SAMD11: variants seen among roughly 807,000 people sequenced by gnomAD.
The protein encoded by SAMD11 is sterile alpha motif domain containing 11, also known as sterile alpha motif domain-containing protein 11.
In SAMD11, 77 loss-of-function variants were observed where a neutral mutation model predicts 64.4. That is an observed-to-expected ratio of 1.20 (90% CI 0.99 to 1.44). The LOEUF is 1.44. Ranked by LOEUF, SAMD11 falls within the 40% of genes most tolerant of loss-of-function variation. The pLI is 0.00. For synonymous variants in SAMD11, 658 were observed against 421.9 expected (o/e 1.56, Z -6.86); for missense variants, 1,402 against 943.3 (o/e 1.49, Z -6.37).
chr1:943,657 G>A (rs764817739), intron 12 of SAMD11, 41 bp from the exon 13 acceptor site: 1 of 1,487,540 alleles, frequency 6.7e-7, no homozygotes, highest in Non-Finnish European at 8.9e-7. Flanking sequence ...GGAGGATGGA[G>A]CAGCACCCGG....
At chr1:940,364 G>C (rs965989163) in intron 7 of SAMD11, 5 of 149,176 alleles carry the variant, frequency 3.4e-5, no homozygotes, top group African/African-American at 1.2e-4. Context: ...CCGCTAGCGC[G>C]GGGGCGCTGG....
At chr1:928,244 T>C (rs1344184983) in intron 2 of SAMD11, among the ~76,000 whole-genome samples, 1 of 151,882 alleles carries the variant, frequency 6.6e-6, no homozygotes, top group Non-Finnish European at 1.5e-5. Context: ...TACAAAAAAT[T>C]AGCCGGGCGT....
At position 942,548 on chromosome 1, in the gene SAMD11, C is replaced by T. The variant is rs772561669; in HGVS notation, c.1554-11C>T. Reference sequence around the variant, plus strand: ...CGGGAGGCGGCTGACCCGCGTCTGCCCCCGGCCCAGGCTGGAGCTGCCCGC... The same window carrying T: ...CGGGAGGCGGCTGACCCGCGTCTGCTCCCGGCCCAGGCTGGAGCTGCCCGC... On this transcript the variant is annotated splice_polypyrimidine_tract_variant and intron_variant, in intron 10 of 13. Transcript: ENST00000616016. 4.3e-6 allele frequency: 6 copies of T among 1,403,966 alleles called. No individual in the cohort carries two copies. The highest frequency in any genetic ancestry group is 3.0e-5 in the African/African-American group (2 of 66,222). 87.0% of individuals were successfully genotyped at this position (1,403,966 alleles called of 1,614,324 possible). A position where few individuals can be genotyped will look rare whatever the true frequency, so the allele number is the denominator to read the frequency against.
intron 2 of SAMD11, among the ~76,000 whole-genome samples, chr1:926,280 C>G (rs916647157): frequency 1.3e-5 from 2 of 152,234 alleles, no homozygotes; most frequent in Non-Finnish European, 2.9e-5. Flanking sequence ...CCTTGGGTGC[C>G]TTTTAGCTGC....
At position 943,693 on chromosome 1, in the gene SAMD11, T is replaced by G. The variant is rs775174726; in HGVS notation, c.2179-5T>G. 3 of 1,563,988 alleles carry G rather than the reference T, an allele frequency of 1.9e-6. No individual in the cohort carries two copies. Among genetic ancestry groups the G allele is most frequent in the South Asian group, 1.2e-5 (1 of 83,558 alleles). ...GTCCTGACCCTCCCTCCCTCCCCCTTCCAGGTCTTCAGGGAGCAGGGGATC... is the reference window on the plus strand; with the variant it reads ...GTCCTGACCCTCCCTCCCTCCCCCTGCCAGGTCTTCAGGGAGCAGGGGATC... On this transcript the variant is annotated splice_polypyrimidine_tract_variant and splice_region_variant and intron_variant, in intron 12 of 13. Coordinates refer to ENST00000616016, the MANE Select transcript of SAMD11 (RefSeq NM_001385641.1).
intron 1 of SAMD11, 82 bp from the exon 2 acceptor site, chr1:925,840 G>C (rs1472687414): frequency 3.1e-6 from 3 of 979,456 alleles, no homozygotes; most frequent in Non-Finnish European, 4.9e-6. Context: ...CCACGAGCCG[G>C]GGAGGGGGTA....
At position 931,080 on chromosome 1, in the gene SAMD11, C is replaced by T. The variant is rs1226809307; in HGVS notation, c.833C>T (p.Ala278Val). Residue 278 changes from alanine to valine, a missense_variant, in exon 4 of 14, where the codon GCG (alanine) becomes GTG (valine). Physicochemically the swap from Ala to Val is moderately conservative, Grantham distance 64 (BLOSUM62 0). Coordinates refer to ENST00000616016, the MANE Select transcript of SAMD11 (RefSeq NM_001385641.1). ...GACGTGAACATCTCTTTCCGAGAGG[C>T]GTCCTGCAGGTAGGAGCCGTGCTGT... ...HWDVNISFREASCSQDGNLPT... is the reference protein window; with the variant it reads ...HWDVNISFREVSCSQDGNLPT... 7.4e-6 allele frequency: 12 copies of T among 1,612,444 alleles called. No homozygotes were observed. Among genetic ancestry groups the T allele is most frequent in the Middle Eastern group, 1.8e-4 (1 of 5,710 alleles).
At chr1:941,021 C>A in intron 7 of SAMD11, 123 bp from the exon 8 acceptor site, 1 of 886,178 alleles carries the variant, frequency 1.1e-6, no homozygotes, top group Non-Finnish European at 1.7e-6. Flanking sequence ...GAGACCAGCC[C>A]AGGGGCCGAG....
chr1:938,969 G>A, intron 5 of SAMD11, 71 bp from the exon 6 acceptor site: 2 of 1,368,942 alleles, frequency 1.5e-6, no homozygotes, highest in Non-Finnish European at 2.0e-6. Flanking sequence ...GGTCCAGGCT[G>A]AGCTGGAGCA....
chr1:943,188 C>A, intron 11 of SAMD11, 65 bp from the exon 12 acceptor site: 2 of 1,606,854 alleles, frequency 1.2e-6, no homozygotes, highest in Non-Finnish European at 1.7e-6. Flanking sequence ...GGGCACACGA[C>A]GGTCAGGAGA....
chr1:925,775 G>A (rs1380525740), intron 1 of SAMD11, 147 bp from the exon 2 acceptor site: 3 of 635,216 alleles, frequency 4.7e-6, no homozygotes, highest in African/African-American at 3.6e-5. Flanking sequence ...GGTGGGACGG[G>A]AAGCGGGCTG....
chr1:925,949 A>C lies in SAMD11; in HGVS notation c.545A>C (p.Lys182Thr). Residue 182 changes from lysine (K) to threonine (T), a missense_variant, in exon 2 of 14, where the codon AAG (lysine) becomes ACG (threonine). By Grantham distance (78) the Lys-to-Thr change is moderately conservative (BLOSUM62 -1). Coordinates refer to ENST00000616016, the MANE Select transcript of SAMD11 (RefSeq NM_001385641.1). Reference sequence around the variant, plus strand: ...AAAAGTCTGAAGACGCTTATGTCCAAGGGGATCCTGCAGGTGCATCCTCCG... The same window carrying C: ...AAAAGTCTGAAGACGCTTATGTCCACGGGGATCCTGCAGGTGCATCCTCCG... The part of the protein sequence containing the change: ...KGKSLKTLMS[K>T]GILQVHPPIC... 2.5e-6 allele frequency: 4 copies of C among 1,611,966 alleles called. No homozygotes were observed. The South Asian group carries it at 4.4e-5, about 18-fold the overall frequency.
chr1:941,255 C>T lies in SAMD11; in HGVS notation c.1307C>T (p.Ala436Val), dbSNP rs1333575365. The T allele has an allele frequency of 1.9e-6, 3 of 1,602,210 alleles. No individual in the cohort carries two copies. Among genetic ancestry groups the T allele is most frequent in the Non-Finnish European group, 8.5e-7 (1 of 1,175,162 alleles). The change falls in exon 8 of 14, where the codon GCT becomes GTT. Residue 436 changes from alanine (A) to valine (V), a missense_variant. Physicochemically the swap from Ala to Val is moderately conservative, Grantham distance 64. Coordinates refer to ENST00000616016, the MANE Select transcript of SAMD11 (RefSeq NM_001385641.1). Reference protein sequence around the residue: ...TAGQRRKQGLAQHREGAAPAA... With the variant: ...TAGQRRKQGLVQHREGAAPAA... Reference sequence around the variant, plus strand: ...GGTCAGCGTCGGAAGCAGGGCCTGGCTCAGCACCGGGAGGGCGCCGCCCCA... The same window carrying T: ...GGTCAGCGTCGGAAGCAGGGCCTGGTTCAGCACCGGGAGGGCGCCGCCCCA...
At position 941,387 on chromosome 1, in the gene SAMD11, C is replaced by T. The variant is rs933709614; in HGVS notation, c.1358+81C>T. ...CGCTCTCAGCCACCAGCACGCGCCC[C>T]GAGAGTGCCAAGCACTGTGTTCAGC... is the stretch of plus-strand genomic sequence containing the variant. On this transcript the variant is annotated intron_variant, in intron 8 of 13. Transcript: ENST00000616016. The T allele has an allele frequency of 5.2e-6, 7 of 1,337,600 alleles. No homozygotes were observed. In the East Asian group the frequency reaches 7.6e-5, roughly 15 times the overall value. The allele number at this position is 1,337,600 out of a possible 1,614,324, so 82.9% of individuals were successfully genotyped here.
At chr1:927,048 C>T (rs1400230778) in intron 2 of SAMD11, among the ~76,000 whole-genome samples, 1 of 152,144 alleles carries the variant, frequency 6.6e-6, no homozygotes, top group Non-Finnish European at 1.5e-5. Flanking sequence ...GACGGCTGGT[C>T]CCTCAGACAT....
chr1:927,659 T>G (rs1263010327), intron 2 of SAMD11, among the ~76,000 whole-genome samples: 1 of 152,236 alleles, frequency 6.6e-6, no homozygotes, highest in African/African-American at 2.4e-5. Context: ...TGGTCACAGA[T>G]GCTCCGGGGC....
chr1:931,160 C>T, intron 4 of SAMD11, 71 bp downstream of exon 4: 2 of 1,358,538 alleles, frequency 1.5e-6, no homozygotes, highest in Non-Finnish European at 2.0e-6. Flanking sequence ...CCTGACCGTG[C>T]CCTGCTGTCT....
intron 2 of SAMD11, among the ~76,000 whole-genome samples, chr1:927,944 G>A (rs968718248): frequency 2.0e-5 from 3 of 152,272 alleles, no homozygotes; most frequent in Non-Finnish European, 4.4e-5. Flanking sequence ...CCGACTCTGC[G>A]CATCACGGGG....
At position 924,154 on chromosome 1, in the gene SAMD11, G is replaced by A. The variant is rs1435198404; in HGVS notation, c.-278G>A. The A allele has an allele frequency of 6.7e-6, 1 of 149,582 alleles. No homozygotes were observed. Among genetic ancestry groups the A allele is most frequent in the African/African-American group, 2.4e-5 (1 of 41,110 alleles). 9.3% of individuals were successfully genotyped at this position (149,582 alleles called of 1,614,324 possible). On this transcript the variant is annotated 5_prime_UTR_variant, in exon 1 of 14. Coordinates refer to ENST00000616016, the MANE Select transcript of SAMD11 (RefSeq NM_001385641.1). ...GGCGCGGGACTCCAGACGCCCCGGG[G>A]AGCCCCGAGGCCCTGGAACTGCGGC... is the stretch of plus-strand genomic sequence containing the variant.
Sources: allele counts gnomAD v4.1 joint callset (sites outside exome capture counted in the v4.1 genomes callset), GRCh38; gene constraint gnomAD v4.1.1; transcripts MANE v1.5; gene names NCBI Gene and HGNC (gene_info 2026-07-23, HGNC 2026-07-21).